RAD51B: variants seen among roughly 807,000 people sequenced by gnomAD.
RAD51B encodes RAD51 paralog B, also known as DNA repair protein RAD51 homolog 2.
Under a neutral mutation model 42.2 loss-of-function variants are expected in RAD51B, and 38 were observed. The ratio of observed to expected loss-of-function variants is 0.90; its 90% CI spans 0.70 to 1.18. The LOEUF (loss-of-function observed/expected upper bound fraction) is 1.18. Ranked by LOEUF, RAD51B falls within the 50% of genes most tolerant of loss-of-function variation. The probability of loss-of-function intolerance (pLI) is 0.00; values close to 1 mark genes in which losing one functional copy is unlikely to be tolerated. For synonymous variants in RAD51B, 154 were observed against 145.2 expected (o/e 1.06, Z -0.43); for missense variants, 373 against 400.7 (o/e 0.93, Z 0.59).
At chr14:68,287,613 A>G (rs2081437815) in intron 7 of RAD51B, among the ~76,000 whole-genome samples, 1 of 152,212 alleles carries the variant, frequency 6.6e-6, no homozygotes, top group South Asian at 2.1e-4. Context: ...CGTGTTTTCA[A>G]TAAGCCTTAT....
In RAD51B at chr14:68,564,814, G is replaced by A. The variant is rs77915457; in HGVS notation, c.1037-29671G>A. Among the ~76,000 whole-genome samples, 337 of 152,322 alleles carry A rather than the reference G, an allele frequency of 2.2e-3. 1 individual carries two copies. The highest frequency in any genetic ancestry group is 7.8e-3 in the African/African-American group (326 of 41,574). On this transcript the variant is annotated intron_variant, in intron 10 of 10. Transcript: ENST00000487270. ...GCTGGCATCTCCCACTGAAAGAGCC[G>A]GGTCGCAGAGACACACTCAACAAGT... is the stretch of plus-strand genomic sequence containing the variant.
intron 4 of RAD51B, among the ~76,000 whole-genome samples, chr14:67,863,076 A>G (rs1278871550): frequency 6.6e-6 from 1 of 151,682 alleles, no homozygotes; most frequent in South Asian, 2.1e-4. Flanking sequence ...TATTGACAGG[A>G]GTAATTATTT....
intron 10 of RAD51B, among the ~76,000 whole-genome samples, chr14:68,517,230 GAAGGA>G (rs1230405888): frequency 6.9e-6 from 1 of 145,650 alleles, no homozygotes; most frequent in Non-Finnish European, 1.5e-5. Flanking sequence ...GAAGGGAAGG[GAAGGA>G]AAGGAAAGGG....
chr14:67,985,170 A>C (rs1000102111), intron 7 of RAD51B, among the ~76,000 whole-genome samples: 1 of 152,228 alleles, frequency 6.6e-6, no homozygotes, highest in African/African-American at 2.4e-5. Flanking sequence ...TAAGCCATTC[A>C]TGTGGTTTTA....
intron 10 of RAD51B, among the ~76,000 whole-genome samples, chr14:68,493,650 C>A (rs1399778405): frequency 1.3e-5 from 2 of 152,218 alleles, no homozygotes; most frequent in Non-Finnish European, 2.9e-5. Flanking sequence ...TAATGTATGT[C>A]CCAGACCTAT....
intron 10 of RAD51B, among the ~76,000 whole-genome samples, chr14:68,556,257 A>G (rs1888839013): frequency 6.6e-6 from 1 of 152,184 alleles, no homozygotes; most frequent in Admixed American, 6.5e-5. Flanking sequence ...AAACCCACCC[A>G]GACCAGAGCC....
intron 5 of RAD51B, among the ~76,000 whole-genome samples, chr14:67,875,122 G>T (rs2042684147): frequency 6.6e-6 from 1 of 152,110 alleles, no homozygotes; most frequent in Admixed American, 6.6e-5. Flanking sequence ...TATAGGACTG[G>T]AATTTTAGGA....
intron 7 of RAD51B, among the ~76,000 whole-genome samples, chr14:68,051,977 C>A (rs139553061): frequency 6.6e-6 from 1 of 152,184 alleles, no homozygotes; most frequent in East Asian, 1.9e-4. Flanking sequence ...GAAGAACACT[C>A]CCTTGAGGTT....
chr14:67,838,815 A>AC (rs2041333449), intron 4 of RAD51B, among the ~76,000 whole-genome samples: 1 of 151,966 alleles, frequency 6.6e-6, no homozygotes. Context: ...AAAAAAAAAA[A>AC]AACCTGTGAT....
intron 10 of RAD51B, among the ~76,000 whole-genome samples, chr14:68,520,961 T>C (rs1473198644): frequency 6.6e-6 from 1 of 152,162 alleles, no homozygotes; most frequent in East Asian, 1.9e-4. Context: ...AGTTTTTGTT[T>C]GGATTGTTTT....
At position 68,119,177 on chromosome 14, in the gene RAD51B, C is replaced by T. The variant is rs577248921; in HGVS notation, c.757-172707C>T. On this transcript the variant is annotated intron_variant, in intron 7 of 10. Coordinates refer to ENST00000471583, the MANE Select transcript of RAD51B (RefSeq NM_133510.4). ...GTCCATGTAGCTGAGACTATAGGCA[C>T]GTGCCACCGTACTCAACTAATTTTT... 8.4e-4 allele frequency among the ~76,000 whole-genome samples: 127 copies of T among 151,510 alleles called. 1 individual carries two copies. The highest frequency in any genetic ancestry group is 3.4e-3 in the Middle Eastern group (1 of 294).
chr14:68,228,489 T>G (rs1290086790), intron 7 of RAD51B, among the ~76,000 whole-genome samples: 1 of 152,158 alleles, frequency 6.6e-6, no homozygotes, highest in Non-Finnish European at 1.5e-5. Context: ...TTTAACACAG[T>G]GTGAAAATTT....
At chr14:67,883,453 GT>G (rs1371744661) in intron 5 of RAD51B, among the ~76,000 whole-genome samples, 1 of 151,348 alleles carries the variant, frequency 6.6e-6, no homozygotes, top group African/African-American at 2.4e-5. Flanking sequence ...TCTCTTTGTT[GT>G]TTCTCAGACA....
intron 10 of RAD51B, among the ~76,000 whole-genome samples, chr14:68,496,246 G>T (rs1884506259): frequency 6.6e-6 from 1 of 152,148 alleles, no homozygotes; most frequent in Non-Finnish European, 1.5e-5. Flanking sequence ...CCTATAAAAA[G>T]GAAAAAGTCA....
intron 10 of RAD51B, among the ~76,000 whole-genome samples, chr14:68,601,219 T>C (rs1481748915): frequency 6.6e-6 from 1 of 152,006 alleles, no homozygotes; most frequent in Non-Finnish European, 1.5e-5. Context: ...TAGCCACGTC[T>C]CACCAGTAAC....
chr14:68,170,722 C>A (rs952650379), intron 7 of RAD51B, among the ~76,000 whole-genome samples: 3 of 152,084 alleles, frequency 2.0e-5, no homozygotes, highest in Admixed American at 2.0e-4. Context: ...TTAATGGCAG[C>A]AGAATTGTTT....
At chr14:67,838,561 G>A (rs2041324281) in intron 4 of RAD51B, among the ~76,000 whole-genome samples, 1 of 151,966 alleles carries the variant, frequency 6.6e-6, no homozygotes, top group Non-Finnish European at 1.5e-5. Flanking sequence ...TCCTTCCTCA[G>A]CCTCCCAAGT....
intron 10 of RAD51B, chr14:68,469,056 A>AGAAGTGCTG (rs2086057253): frequency 4.0e-6 from 2 of 494,900 alleles, no homozygotes; most frequent in Admixed American, 3.9e-5. Context: ...GGATCTGCAC[A>AGAAGTGCTG]GAAGTGCTCA....
At chr14:67,908,569 G>C (rs898925850) in intron 7 of RAD51B, 1 of 151,800 alleles carries the variant, frequency 6.6e-6, no homozygotes, top group Non-Finnish European at 1.5e-5. Context: ...ACTGGATTAA[G>C]GTCCTTGGAA....
Sources: allele counts gnomAD v4.1 joint callset (sites outside exome capture counted in the v4.1 genomes callset), GRCh38; gene constraint gnomAD v4.1.1; transcripts MANE v1.5; gene names NCBI Gene and HGNC (gene_info 2026-07-23, HGNC 2026-07-21).